The following SARDH variants were observed in gnomAD, a reference collection of about 807,000 sequenced individuals.
The protein encoded by SARDH is sarcosine dehydrogenase, mitochondrial.
Under a neutral mutation model 109.1 loss-of-function variants are expected in SARDH, and 95 were observed. The ratio of observed to expected loss-of-function variants is 0.87; its 90% CI spans 0.74 to 1.03. The LOEUF (loss-of-function observed/expected upper bound fraction) is 1.03, where lower values mean the gene tolerates loss of function less well. Ranked by LOEUF, SARDH falls within the 50% of genes least tolerant of loss-of-function variation. The pLI, the probability that SARDH is intolerant of heterozygous loss-of-function variation, is 0.00. For missense variants in SARDH, 1,267 were observed against 1,287.8 expected, an observed-to-expected ratio of 0.98 and a Z score of 0.25; for synonymous variants, 572 against 534.8, an observed-to-expected ratio of 1.07 and a Z score of -0.96.
chr9:133,684,040 TCTC>T (rs139319241), intron 17 of SARDH, among the ~76,000 whole-genome samples: 7,638 of 152,212 alleles, frequency 0.05, 639 homozygotes, highest in African/African-American at 0.17. Context: ...CAGGGCGACA[TCTC>T]CTCCAGCATG....
At chr9:133,720,954 C>T (rs185290606) in intron 6 of SARDH, among the ~76,000 whole-genome samples, 1 of 152,212 alleles carries the variant, frequency 6.6e-6, no homozygotes, top group East Asian at 1.9e-4. Flanking sequence ...AGGCTGGGGC[C>T]ATCATCCAGC....
rs1338705773 is a variant in SARDH at position 133,712,568 on chromosome 9, C to T, written c.1328+51G>A. The T allele has an allele frequency of 1.3e-6, 2 of 1,524,486 alleles. No individual in the cohort carries two copies. Among genetic ancestry groups the T allele is most frequent in the Admixed American group, 3.3e-5 (2 of 59,728 alleles). The allele number at this position is 1,524,486 out of a possible 1,614,324, so 94.4% of individuals were successfully genotyped here. A position where few individuals can be genotyped will look rare whatever the true frequency, so the allele number is the denominator to read the frequency against. ...AGTAGCCCTCGCTGTTTACCCCACG[C>T]CACCTGTCCTGAGTGGCGGGCCCTG... On this transcript the variant is annotated intron_variant, in intron 10 of 20. Coordinates refer to ENST00000439388, the MANE Select transcript of SARDH (RefSeq NM_001134707.2). This position sits in a 1 kb window ranked among gnomAD's most constrained non-coding sequence, Gnocchi z 4.1.
At chr9:133,673,961 G>A (rs1015125453) in intron 17 of SARDH, among the ~76,000 whole-genome samples, 4 of 152,172 alleles carry the variant, frequency 2.6e-5, no homozygotes, top group Non-Finnish European at 5.9e-5. Flanking sequence ...AGCTGGGTCT[G>A]GGTCTCCATT....
intron 13 of SARDH, among the ~76,000 whole-genome samples, chr9:133,697,989 G>T (rs2502742): frequency 0.43 from 55,089 of 127,514 alleles, 11,884 homozygotes; most frequent in Non-Finnish European, 0.47. Flanking sequence ...CTTGTATATA[G>T]GAAATCCTAA....
At position 133,712,607 on chromosome 9, in the gene SARDH, A is replaced by T; in HGVS notation, c.1328+12T>A. The T allele has an allele frequency of 6.2e-7, 1 of 1,604,888 alleles. No individual in the cohort carries two copies. The highest frequency in any genetic ancestry group is 8.5e-7 in the Non-Finnish European group (1 of 1,178,956). On this transcript the variant is annotated intron_variant, in intron 10 of 20. Coordinates refer to ENST00000439388, the MANE Select transcript of SARDH (RefSeq NM_001134707.2). This position sits in a 1 kb window ranked among gnomAD's most constrained non-coding sequence, Gnocchi z 4.1. ...TGGCGGGCCCTGCCCTTAGGTCCCA[A>T]TGGGCACTTACCTGATGTCATAGCC...
intron 8 of SARDH, 70 bp downstream of exon 8, chr9:133,717,256 C>G: frequency 1.3e-6 from 2 of 1,576,070 alleles, no homozygotes; most frequent in Non-Finnish European, 1.7e-6. Flanking sequence ...TCTCACGGGG[C>G]ATCACTACTA....
intron 19 of SARDH, among the ~76,000 whole-genome samples, chr9:133,668,265 T>TCCA (rs564592505): frequency 7.0e-4 from 102 of 145,196 alleles, no homozygotes; most frequent in African/African-American, 2.6e-3. Flanking sequence ...ACGACACGGC[T>TCCA]CCACTCACCG....
intron 6 of SARDH, among the ~76,000 whole-genome samples, chr9:133,729,198 G>A (rs982017171): frequency 6.6e-6 from 1 of 152,018 alleles, no homozygotes; most frequent in African/African-American, 2.4e-5. Context: ...GATGGAAAGA[G>A]GGGGGTCAGT....
At chr9:133,684,595 T>C (rs1436765273) in intron 17 of SARDH, among the ~76,000 whole-genome samples, 3 of 152,092 alleles carry the variant, frequency 2.0e-5, no homozygotes, top group Admixed American at 6.5e-5. Context: ...GCCTCCTGCC[T>C]GGGGCCAGGT....
intron 6 of SARDH, among the ~76,000 whole-genome samples, chr9:133,726,981 G>A (rs576908345): frequency 3.3e-5 from 5 of 152,254 alleles, no homozygotes; most frequent in Admixed American, 6.5e-5. Context: ...GAACCAGAGC[G>A]GTGACAGACT....
intron 16 of SARDH, among the ~76,000 whole-genome samples, chr9:133,689,620 A>T (rs1371263571): frequency 1.3e-5 from 2 of 152,100 alleles, no homozygotes; most frequent in African/African-American, 4.8e-5. Flanking sequence ...TAAAAATAAG[A>T]ACAATTATGA....
At position 133,709,257 on chromosome 9, in the gene SARDH, G is replaced by A. The variant is rs140788191; in HGVS notation, c.1329-829C>T. On this transcript the variant is annotated intron_variant, in intron 10 of 20. Coordinates refer to ENST00000439388, the MANE Select transcript of SARDH (RefSeq NM_001134707.2). The surrounding 1 kb of genome is among the most constrained non-coding windows in gnomAD (Gnocchi z 4.2). Reference sequence around the variant, plus strand: ...TACGGAGCTCTGTGGCTGCACCTGCGGCCTAGGCCTCTGCTGCCCCTGAGT... The same window carrying A: ...TACGGAGCTCTGTGGCTGCACCTGCAGCCTAGGCCTCTGCTGCCCCTGAGT... 2.4e-3 allele frequency among the ~76,000 whole-genome samples: 368 copies of A among 152,218 alleles called. 3 individuals are homozygous for A. Among genetic ancestry groups the A allele is most frequent in the African/African-American group, 8.1e-3 (338 of 41,530 alleles).
rs775373624 is a variant in SARDH at position 133,664,009 on chromosome 9, C to T, written c.2637G>A (p.Ser879=). Reference sequence around the variant, plus strand: ...AGTCCCCGCTCTTCACAAAGTCCAGCGAGACCTAGGAGCAGAGGTGGGGAT... The same window carrying T: ...AGTCCCCGCTCTTCACAAAGTCCAGTGAGACCTAGGAGCAGAGGTGGGGAT... ...YIHDPSGGPV[S]LDFVKSGDYA... The change falls in exon 21 of 21, where the codon TCG becomes TCA. Residue 879 remains serine (S), a synonymous_variant. Transcript: ENST00000439388. 9 of 1,613,918 alleles carry T rather than the reference C, an allele frequency of 5.6e-6. No individual in the cohort carries two copies. Among genetic ancestry groups the T allele is most frequent in the African/African-American group, 2.7e-5 (2 of 74,940 alleles).
At chr9:133,714,536 T>TGGGAGGCCAAGGCAGGCGGATGTC (rs1302002904) in intron 8 of SARDH, among the ~76,000 whole-genome samples, 2 of 152,148 alleles carry the variant, frequency 1.3e-5, no homozygotes, top group Non-Finnish European at 2.9e-5. Context: ...CCCAGTACTT[T>TGGGAGGCCAAGGCAGGCGGATGTC]GGGAGGCCAA....
At chr9:133,733,739 C>G in intron 2 of SARDH, 104 bp downstream of exon 2, 1 of 1,174,622 alleles carries the variant, frequency 8.5e-7, no homozygotes, top group Non-Finnish European at 1.1e-6. Context: ...GGTCTCTTCC[C>G]CAGGCTGGTT....
At chr9:133,726,613 T>A (rs532140333) in intron 6 of SARDH, among the ~76,000 whole-genome samples, 4 of 152,204 alleles carry the variant, frequency 2.6e-5, no homozygotes, top group Admixed American at 6.5e-5. Flanking sequence ...CAGTTCAGCA[T>A]CAGCGTCCAG....
In SARDH at chr9:133,670,679, C is replaced by A. The variant is rs1431166695; in HGVS notation, c.2400G>T (p.Lys800Asn). 2 of 1,607,576 alleles carry A rather than the reference C, an allele frequency of 1.2e-6. No homozygotes were observed. Among genetic ancestry groups the A allele is most frequent in the African/African-American group, 1.3e-5 (1 of 74,856 alleles). The change falls in exon 19 of 21, where the codon AAG (lysine) becomes AAT (asparagine). Residue 800 changes from lysine (K) to asparagine (N), a missense_variant. Lys to Asn is a moderately conservative substitution (Grantham distance 94, BLOSUM62 0). Coordinates refer to ENST00000439388, the MANE Select transcript of SARDH (RefSeq NM_001134707.2). ...CCAGGAAGGGCACCGGCGACTTGAGCTTGCAGGTGAAGGCCAGGCCTGCCT... is the reference window on the plus strand; with the variant it reads ...CCAGGAAGGGCACCGGCGACTTGAGATTGCAGGTGAAGGCCAGGCCTGCCT... ...PLEAGLAFTC[K>N]LKSPVPFLGR...
rs2502747 is a variant in SARDH, at chr9:133,704,882, G to A, written c.1554+66C>T. ...ACACGGAGGGGCAAGGACGGGGCAC[G>A]TGGAGGGGCAAGGGGGTTGTCAGGG... is the stretch of plus-strand genomic sequence containing the variant. On this transcript the variant is annotated intron_variant, in intron 12 of 20. Transcript: ENST00000439388. This position sits in a 1 kb window ranked among gnomAD's most constrained non-coding sequence, Gnocchi z 4.5. The A allele has an allele frequency of 0.64, 888,467 of 1,395,558 alleles. 285,962 individuals carry two copies. Among genetic ancestry groups the A allele is most frequent in the South Asian group, 0.68 (55,190 of 80,584 alleles). The allele number at this position is 1,395,558 out of a possible 1,614,324, so 86.4% of individuals were successfully genotyped here.
At chr9:133,731,223 C>T in intron 4 of SARDH, 82 bp downstream of exon 4, 7 of 1,533,788 alleles carry the variant, frequency 4.6e-6, no homozygotes, top group Non-Finnish European at 6.2e-6. Flanking sequence ...GGCTCTTGTT[C>T]TCTTCCCTTC....
Sources: gnomAD v4.1 joint callset for allele counts (sites outside exome capture counted in the v4.1 genomes callset) on GRCh38, gnomAD v4.1.1 for gene constraint, Gnocchi (gnomAD v3.1) non-coding constraint, MANE v1.5 for transcripts, NCBI Gene and HGNC (gene_info 2026-07-23, HGNC 2026-07-21) for gene names.